The following TPCN1 variants were observed in gnomAD, a reference collection of about 807,000 sequenced individuals.
TPCN1 encodes two pore segment channel 1, also known as two pore channel protein 1.
In TPCN1, 52 loss-of-function variants were observed where a neutral mutation model predicts 108.8. The ratio of observed to expected loss-of-function variants is 0.48; its 90% confidence interval spans 0.38 to 0.60. TPCN1 has a LOEUF of 0.60. Ranked by LOEUF, TPCN1 falls within the 20% of genes least tolerant of loss-of-function variation. TPCN1 has a pLI of 0.00. For missense variants in TPCN1, 806 were observed against 1,072.8 expected, an observed-to-expected ratio of 0.75 and a Z score of 3.47; for synonymous variants, 446 against 433.7, an observed-to-expected ratio of 1.03 and a Z score of -0.35.
chr12:113,270,480 G>T (rs1265716933), intron 7 of TPCN1, among the ~76,000 whole-genome samples: 5 of 149,570 alleles, frequency 3.3e-5, no homozygotes, highest in African/African-American at 1.2e-4. Context: ...TGTTTGTTTT[G>T]TTTTGTTTTT....
In TPCN1 at chr12:113,234,707, C is replaced by T. The variant is rs75067144; in HGVS notation, c.112+7743C>T. On this transcript the variant is annotated intron_variant, in intron 2 of 27. Transcript: ENST00000335509. ...GCAAAAAATTTGAGAGCTGGGCCAC[C>T]CTGGGGCCTGCCGGACCAGGGGCAT... 4.7e-3 allele frequency among the ~76,000 whole-genome samples: 712 copies of T among 152,300 alleles called. 9 individuals are homozygous for T. Among genetic ancestry groups the T allele is most frequent in the African/African-American group, 0.016 (648 of 41,566 alleles).
chr12:113,254,854 A>C (rs1310164134), intron 2 of TPCN1, among the ~76,000 whole-genome samples: 1 of 152,230 alleles, frequency 6.6e-6, no homozygotes, highest in African/African-American at 2.4e-5. Flanking sequence ...ACACCCATTC[A>C]TGGTAAGATC....
Position 113,284,993 on chromosome 12 carries a change from C to T in TPCN1, c.1453+222C>T, listed in dbSNP as rs1192430170. ...TAGGCGTGTGTGACCCTCCACTCGG[C>T]TCTGCAGCCCTGCTGTTTGCCAGCG... On this transcript the variant is annotated intron_variant, in intron 17 of 27. Transcript: ENST00000335509. The surrounding 1 kb of genome is among the most constrained non-coding windows in gnomAD (Gnocchi z 4.1). 6.6e-6 allele frequency among the ~76,000 whole-genome samples: 1 copy of T among 152,202 alleles called. No individual in the cohort carries two copies. The highest frequency in any genetic ancestry group is 1.5e-5 in the Non-Finnish European group (1 of 68,028).
intron 22 of TPCN1, among the ~76,000 whole-genome samples, chr12:113,290,516 C>T (rs576880170): frequency 6.6e-6 from 1 of 152,304 alleles, no homozygotes; most frequent in South Asian, 2.1e-4. Flanking sequence ...GCGGGGTCCC[C>T]TCATCACAGT....
chr12:113,276,812 G>A, intron 10 of TPCN1, 107 bp from the exon 11 acceptor site: 1 of 770,264 alleles, frequency 1.3e-6, no homozygotes, highest in Non-Finnish European at 2.3e-6. Flanking sequence ...GCCTCTCTGG[G>A]GTGACTGGGT....
intron 2 of TPCN1, among the ~76,000 whole-genome samples, chr12:113,254,320 C>G (rs1290499146): frequency 1.3e-5 from 2 of 152,146 alleles, no homozygotes; most frequent in African/African-American, 4.8e-5. Context: ...TTTTCTAGCC[C>G]ATTTTATGAG....
In TPCN1 at chr12:113,226,880, C is replaced by A. The variant is rs1229381573; in HGVS notation, c.28C>A (p.Pro10Thr). The A allele has an allele frequency of 2.5e-6, 4 of 1,614,024 alleles. No individual in the cohort carries two copies. Among genetic ancestry groups the A allele is most frequent in the Non-Finnish European group, 2.5e-6 (3 of 1,180,050 alleles). MAVSLDDDV[P>T]LILTLDEGGS... ...GGCTGTGAGTTTGGATGACGACGTG[C>A]CGCTCATCCTGACCTTGGATGAGGG... The change falls in exon 2 of 28, where the codon CCG becomes ACG. Residue 10 changes from proline to threonine, a missense_variant. Transcript: ENST00000335509.
intron 14 of TPCN1, among the ~76,000 whole-genome samples, chr12:113,279,702 C>A (rs1955824927): frequency 6.6e-6 from 1 of 152,038 alleles, no homozygotes; most frequent in South Asian, 2.1e-4. Context: ...CTGCGCCCGA[C>A]CCCGATAATA....
rs779155395 is a variant in TPCN1, at chr12:113,260,433, C to T, written c.178C>T (p.Pro60Ser). 1.3e-6 allele frequency: 2 copies of T among 1,554,608 alleles called. No individual in the cohort carries two copies. The highest frequency in any genetic ancestry group is 2.4e-5 in the South Asian group (2 of 82,688). ...TCTCAGCTCTGGGGGTGAGAGTTCC[C>T]CCTCCAGCCCCGCACACAACTGGGA... ...PSLSSGGESSPSSPAHNWEMN... is the reference protein window; with the variant it reads ...PSLSSGGESSSSSPAHNWEMN... The change falls in exon 3 of 28, where the codon CCC (proline) becomes TCC (serine). Residue 60 changes from proline to serine, a missense_variant. Pro to Ser is a moderately conservative substitution (Grantham distance 74, BLOSUM62 -1). Coordinates refer to ENST00000335509, the MANE Select transcript of TPCN1 (RefSeq NM_017901.6).
In TPCN1 at chr12:113,290,154, G is replaced by A. The variant is rs1045673124; in HGVS notation, c.1823G>A (p.Arg608His). 6 of 1,601,876 alleles carry A rather than the reference G, an allele frequency of 3.7e-6. No individual in the cohort carries two copies. Among genetic ancestry groups the A allele is most frequent in the Admixed American group, 1.7e-5 (1 of 58,746 alleles). ...CNTSTVADAY[R>H]WRNHTVGNRT... ...ACGAGTACAGTGGCAGATGCCTACCGCTGGCGCAACCACACCGTGGGCAAC... is the reference window on the plus strand; with the variant it reads ...ACGAGTACAGTGGCAGATGCCTACCACTGGCGCAACCACACCGTGGGCAAC... The change falls in exon 22 of 28, where the codon CGC becomes CAC. Residue 608 changes from arginine (R) to histidine (H), a missense_variant. Transcript: ENST00000335509.
chr12:113,255,648 C>T (rs923532001), intron 2 of TPCN1, among the ~76,000 whole-genome samples: 21 of 152,188 alleles, frequency 1.4e-4, no homozygotes, highest in Non-Finnish European at 2.4e-4. Flanking sequence ...GCCTCAGCCT[C>T]CTGAGTAGCT....
At chr12:113,278,583 G>T (rs1189901494) in intron 13 of TPCN1, among the ~76,000 whole-genome samples, 189 bp from the exon 14 acceptor site, 2 of 152,190 alleles carry the variant, frequency 1.3e-5, no homozygotes, top group Non-Finnish European at 2.9e-5. Context: ...ACTAAAATAA[G>T]GCCTCTGCAT....
Position 113,280,169 on chromosome 12 carries a change from A to G in TPCN1, c.1316A>G (p.Lys439Arg). The G allele has an allele frequency of 6.2e-7, 1 of 1,608,286 alleles. No individual in the cohort carries two copies. ...LIFKGINILV[K>R]SKAFQYFMYL... ...CAAATAGGTATTAATATCCTTGTGA[A>G]GTCCAAGGCCTTCCAGTATTTCATG... The change falls in exon 15 of 28, where the codon AAG becomes AGG. Residue 439 changes from lysine to arginine, a missense_variant. Coordinates refer to ENST00000335509, the MANE Select transcript of TPCN1 (RefSeq NM_017901.6).
At chr12:113,242,173 C>T (rs1243931042) in intron 2 of TPCN1, among the ~76,000 whole-genome samples, 1 of 152,216 alleles carries the variant, frequency 6.6e-6, no homozygotes, top group African/African-American at 2.4e-5. Flanking sequence ...GTGAGCTGGC[C>T]ACGGCTGTGC....
chr12:113,223,853 G>A (rs921222517), intron 1 of TPCN1, among the ~76,000 whole-genome samples: 1 of 152,140 alleles, frequency 6.6e-6, no homozygotes, highest in Non-Finnish European at 1.5e-5. Context: ...TGCTCTGAGT[G>A]TTTTAAATTG....
At chr12:113,251,578 G>C (rs905349186) in intron 2 of TPCN1, among the ~76,000 whole-genome samples, 13 of 152,234 alleles carry the variant, frequency 8.5e-5, no homozygotes, top group African/African-American at 3.1e-4. Context: ...GTTGCTCGCT[G>C]TCCCGTGGGG....
Position 113,288,725 on chromosome 12 carries a change from G to A in TPCN1, c.1707-33G>A. 1 of 1,608,192 alleles carries A rather than the reference G, an allele frequency of 6.2e-7. No individual in the cohort carries two copies. The highest frequency in any genetic ancestry group is 8.5e-7 in the Non-Finnish European group (1 of 1,179,400). Reference sequence around the variant, plus strand: ...GCAGAGGAGCCGTTCCCTCCTGCCGGCCCCGCGTCACCCTGCCCCTGTCGC... The same window carrying A: ...GCAGAGGAGCCGTTCCCTCCTGCCGACCCCGCGTCACCCTGCCCCTGTCGC... On this transcript the variant is annotated intron_variant, in intron 20 of 27. Coordinates refer to ENST00000335509, the MANE Select transcript of TPCN1 (RefSeq NM_017901.6). This position sits in a 1 kb window ranked among gnomAD's most constrained non-coding sequence, Gnocchi z 4.8.
At position 113,269,711 on chromosome 12, in the gene TPCN1, C is replaced by A; in HGVS notation, c.660-46C>A. 1 of 1,572,224 alleles carries A rather than the reference C, an allele frequency of 6.4e-7. No individual in the cohort carries two copies. On this transcript the variant is annotated intron_variant, in intron 6 of 27. Coordinates refer to ENST00000335509, the MANE Select transcript of TPCN1 (RefSeq NM_017901.6). This position sits in a 1 kb window ranked among gnomAD's most constrained non-coding sequence, Gnocchi z 5.0. ...CTCAACAAGGAGGAGTCCCAGGCAG[C>A]CCGCCCCAGCTGGTGCCTCCCCTGA...
At position 113,288,319 on chromosome 12, in the gene TPCN1, G is replaced by T; in HGVS notation, c.1706+85G>T. On this transcript the variant is annotated intron_variant, in intron 20 of 27. Transcript: ENST00000335509. This position sits in a 1 kb window ranked among gnomAD's most constrained non-coding sequence, Gnocchi z 4.8. Reference sequence around the variant, plus strand: ...GGGCGGGAGCCGAGTGGCAGTCGGGGGAAAGGAGTTCCACAAAGGACTGCA... The same window carrying T: ...GGGCGGGAGCCGAGTGGCAGTCGGGTGAAAGGAGTTCCACAAAGGACTGCA... 6.3e-7 allele frequency: 1 copy of T among 1,589,042 alleles called. No homozygotes were observed. Among genetic ancestry groups the T allele is most frequent in the East Asian group, 2.3e-5 (1 of 43,518 alleles).
Sources: allele counts gnomAD v4.1 joint callset (sites outside exome capture counted in the v4.1 genomes callset), GRCh38; gene constraint gnomAD v4.1.1; non-coding constraint Gnocchi (gnomAD v3.1); transcripts MANE v1.5; gene names NCBI Gene and HGNC (gene_info 2026-07-23, HGNC 2026-07-21).